Variants in ANKMY1 observed in about 807,000 individuals in gnomAD.
ANKMY1 encodes ankyrin repeat and MYND domain containing 1.
ANKMY1 carries 98 observed loss-of-function variants against 102.0 expected under a neutral mutation model. The observed-to-expected ratio is 0.96, with a 90% CI of 0.82 to 1.14. The LOEUF is 1.14. ANKMY1 is among the 50% of genes most tolerant of loss of function. ANKMY1 has a pLI of 0.00. For missense variants in ANKMY1, 1,330 were observed against 1,347.6 expected (o/e 0.99, Z 0.20); for synonymous variants, 582 against 559.9 (o/e 1.04, Z -0.56).
the ANKMY1 span, among the ~76,000 whole-genome samples, chr2:240,468,781 A>G: frequency 6.6e-6 from 1 of 152,136 alleles, no homozygotes; most frequent in Admixed American, 6.5e-5. Flanking sequence ...TGAGCGTGAG[A>G]GCACAGAGGG....
chr2:240,475,295 T>G (rs1446250141), downstream of ANKMY1, among the ~76,000 whole-genome samples: 2 of 152,252 alleles, frequency 1.3e-5, no homozygotes, highest in African/African-American at 4.8e-5. Flanking sequence ...TTAGAATAAA[T>G]GAATTCATTA....
At chr2:240,487,619 C>A (rs2076198620) in intron 15 of ANKMY1, among the ~76,000 whole-genome samples, 1 of 150,854 alleles carries the variant, frequency 6.6e-6, no homozygotes, top group South Asian at 2.1e-4. Flanking sequence ...TCCTTGGCAT[C>A]CTTTCTACCG....
At position 240,529,297 on chromosome 2, in the gene ANKMY1, C is replaced by G. The variant is rs1443825693; in HGVS notation, c.693G>C (p.Trp231Cys). 1 of 1,614,068 alleles carries G rather than the reference C, an allele frequency of 6.2e-7. No homozygotes were observed. Among genetic ancestry groups the G allele is most frequent in the African/African-American group, 1.3e-5 (1 of 74,922 alleles). Residue 231 changes from tryptophan to cysteine, a missense_variant, in exon 5 of 18, where the codon TGG becomes TGC. Physicochemically the swap from Trp to Cys is radical, Grantham distance 215. Transcript: ENST00000401804. The surrounding 1 kb of genome is among the most constrained non-coding windows in gnomAD (Gnocchi z 4.2). The part of the protein sequence containing the change: ...ISLSEEEKTE[W>C]GLQEGQDPFF... Reference sequence around the variant, plus strand: ...AGGGATCCTGTCCCTCCTGCAGTCCCCACTCCGTTTTCTCCTCTTCTGAGA... The same window carrying G: ...AGGGATCCTGTCCCTCCTGCAGTCCGCACTCCGTTTTCTCCTCTTCTGAGA...
intron 9 of ANKMY1, among the ~76,000 whole-genome samples, chr2:240,514,496 C>A (rs2080836901): frequency 6.6e-6 from 1 of 152,116 alleles, no homozygotes; most frequent in South Asian, 2.1e-4. Context: ...TGAGACAGGA[C>A]CTTCAAAGGT....
Position 240,555,061 on chromosome 2 carries a change from A to G in ANKMY1, c.147-6T>C. 4 of 1,613,754 alleles carry G rather than the reference A, an allele frequency of 2.5e-6. No individual in the cohort carries two copies. Among genetic ancestry groups the G allele is most frequent in the Non-Finnish European group, 3.4e-6 (4 of 1,179,790 alleles). On this transcript the variant is annotated splice_polypyrimidine_tract_variant and splice_region_variant and intron_variant, in intron 2 of 17. Transcript: ENST00000401804. ...CAGGGGCTGCTGAAACATCCCTAAA[A>G]GGACAGGAGCAGAAGGAGGGAAGAG...
In ANKMY1 at chr2:240,526,338, A is replaced by G; in HGVS notation, c.1061T>C (p.Leu354Pro). 6.2e-7 allele frequency: 1 copy of G among 1,614,208 alleles called. No homozygotes were observed. Among genetic ancestry groups the G allele is most frequent in the Non-Finnish European group, 8.5e-7 (1 of 1,180,032 alleles). The change falls in exon 6 of 18, where the codon CTA (leucine) becomes CCA (proline). Residue 354 changes from leucine (L) to proline (P), a missense_variant. Coordinates refer to ENST00000401804, the MANE Select transcript of ANKMY1 (RefSeq NM_001282771.3). ...TTCGTGGTTCCCTTCCTCAGCCTTT[A>G]GGATCATCTCCATGGAAAGTTGCTC... ...PKEQLSMEMI[L>P]KAEEGNHEWI...
downstream of ANKMY1, among the ~76,000 whole-genome samples, chr2:240,477,862 G>A (rs2074958510): frequency 1.3e-5 from 1 of 79,928 alleles, no homozygotes; most frequent in African/African-American, 3.3e-5. Context: ...TTAGATACAC[G>A]TCTGTCTGTG....
At chr2:240,476,885 G>A (rs1205921846), downstream of ANKMY1, among the ~76,000 whole-genome samples, 1 of 152,218 alleles carries the variant, frequency 6.6e-6, no homozygotes, top group Non-Finnish European at 1.5e-5. Flanking sequence ...GAAAGGACAC[G>A]TGGATTTCAC....
chr2:240,542,076 C>T lies in ANKMY1; in HGVS notation c.480+10838G>A, dbSNP rs557004251. Among the ~76,000 whole-genome samples, 11 of 152,024 alleles carry T rather than the reference C, an allele frequency of 7.2e-5. No individual in the cohort carries two copies. In the East Asian group the frequency reaches 1.6e-3, roughly 22 times the overall value. ...TACAAAAATTAGCTGGGCGTAGTGG[C>T]GTTCGCCTGTAATCCCAGCTACTCA... On this transcript the variant is annotated intron_variant, in intron 4 of 17. Transcript: ENST00000401804.
intron 9 of ANKMY1, among the ~76,000 whole-genome samples, chr2:240,514,182 A>C (rs2080781298): frequency 6.6e-6 from 1 of 152,262 alleles, no homozygotes; most frequent in African/African-American, 2.4e-5. Flanking sequence ...TAAGCTGAGG[A>C]AATTCCCCAA....
chr2:240,548,367 A>G (rs529276191), intron 4 of ANKMY1, among the ~76,000 whole-genome samples: 2 of 152,334 alleles, frequency 1.3e-5, no homozygotes, highest in South Asian at 2.1e-4. Flanking sequence ...CGTATCTCAA[A>G]ATAATAAGAG....
intron 15 of ANKMY1, among the ~76,000 whole-genome samples, chr2:240,496,988 C>T (rs1455868554): frequency 6.6e-6 from 1 of 152,200 alleles, no homozygotes; most frequent in East Asian, 1.9e-4. Flanking sequence ...ATAGTTTCAC[C>T]TATATTTCCA....
chr2:240,544,370 T>C (rs985246982), intron 4 of ANKMY1, among the ~76,000 whole-genome samples: 3 of 152,232 alleles, frequency 2.0e-5, no homozygotes, highest in Non-Finnish European at 4.4e-5. Flanking sequence ...TCTATCTTCA[T>C]GCACATGCAG....
intron 7 of ANKMY1, 110 bp downstream of exon 7, chr2:240,525,575 C>A (rs2083191142): frequency 7.4e-7 from 1 of 1,359,068 alleles, no homozygotes; most frequent in Admixed American, 2.3e-5. Context: ...TTATAACTCA[C>A]CCTGTACAAG....
intron 4 of ANKMY1, among the ~76,000 whole-genome samples, chr2:240,538,449 G>C (rs2087555027): frequency 6.6e-6 from 1 of 152,176 alleles, no homozygotes; most frequent in Admixed American, 6.5e-5. Flanking sequence ...GGGTGCGCCA[G>C]GTCCCTCAGC....
chr2:240,492,618 G>GT (rs368572311), intron 15 of ANKMY1, among the ~76,000 whole-genome samples: 15 of 151,942 alleles, frequency 9.9e-5, no homozygotes, highest in African/African-American at 3.6e-4. Context: ...ATCCTGAATT[G>GT]TTTTTCTAAT....
chr2:240,477,947 C>T (rs1463628422), downstream of ANKMY1, among the ~76,000 whole-genome samples: 1 of 152,136 alleles, frequency 6.6e-6, no homozygotes, highest in Non-Finnish European at 1.5e-5. Flanking sequence ...GTCTGTGATA[C>T]GCTTTGGATC....
intron 2 of ANKMY1, chr2:240,555,268 A>G (rs1048884691): frequency 6.8e-6 from 4 of 592,136 alleles, no homozygotes; most frequent in Non-Finnish European, 1.2e-5. Context: ...AATGCACAGT[A>G]AGGCTGCCAA....
chr2:240,552,421 C>T (rs2091675198), intron 4 of ANKMY1, among the ~76,000 whole-genome samples: 1 of 152,144 alleles, frequency 6.6e-6, no homozygotes, highest in African/African-American at 2.4e-5. Context: ...ATTACAAAGG[C>T]CATGGCAATA....
Sources: allele counts gnomAD v4.1 joint callset (sites outside exome capture counted in the v4.1 genomes callset), GRCh38; gene constraint gnomAD v4.1.1; non-coding constraint Gnocchi (gnomAD v3.1); transcripts MANE v1.5; gene names NCBI Gene and HGNC (gene_info 2026-07-23, HGNC 2026-07-21).